LARP6: variants seen among roughly 807,000 people sequenced by gnomAD.
The protein encoded by LARP6 is La ribonucleoprotein 6, translational regulator, also known as la-related protein 6.
A neutral mutation model predicts 32.8 loss-of-function variants in LARP6; 18 were observed. That is an observed-to-expected ratio of 0.55 (90% CI 0.38 to 0.81). The LOEUF (loss-of-function observed/expected upper bound fraction) is 0.81. Among genes scored for constraint, LARP6 ranks in the 40% least tolerant of loss-of-function variants. LARP6 has a pLI of 0.00. For missense variants in LARP6, 598 were observed against 663.1 expected, an observed-to-expected ratio of 0.90 and a Z score of 1.08; for synonymous variants, 289 against 267.2, an observed-to-expected ratio of 1.08 and a Z score of -0.80.
intron 1 of LARP6, chr15:70,851,384 G>T (rs902438138): frequency 2.0e-6 from 2 of 985,706 alleles, no homozygotes; most frequent in Non-Finnish European, 2.6e-6. Context: ...AAAAGGAAAG[G>T]CATCTTTTTA....
chr15:70,833,754 C>G (rs1033239175), intron 2 of LARP6, among the ~76,000 whole-genome samples: 6 of 152,182 alleles, frequency 3.9e-5, no homozygotes, highest in Admixed American at 6.5e-5. Flanking sequence ...AGCAGTATTT[C>G]TGCATTTCTG....
intron 1 of LARP6, among the ~76,000 whole-genome samples, chr15:70,838,718 A>T (rs1338929315): frequency 6.6e-6 from 1 of 152,212 alleles, no homozygotes; most frequent in African/African-American, 2.4e-5. Context: ...GAGAATACTG[A>T]TTATCCGCAT....
chr15:70,838,510 G>A (rs1173513163), intron 1 of LARP6, among the ~76,000 whole-genome samples: 1 of 152,050 alleles, frequency 6.6e-6, no homozygotes, highest in East Asian at 1.9e-4. Context: ...ATGGACTCTG[G>A]AAACAATCCC....
At chr15:70,849,141 G>A (rs576210639) in intron 1 of LARP6, 23 of 152,190 alleles carry the variant, frequency 1.5e-4, no homozygotes, top group Non-Finnish European at 2.6e-4. Context: ...GGTGGATCAC[G>A]AGGTCAGGAG....
Position 70,832,706 on chromosome 15 carries a change from C to A in LARP6, c.822G>T (p.Glu274Asp), listed in dbSNP as rs1417183788. Residue 274 changes from glutamate to aspartate, a missense_variant, in exon 3 of 3, where the codon GAG (glutamate) becomes GAT (aspartate). This residue lies in a region of LARP6 where 368 missense variants were observed against 397.9 expected (regional missense o/e 0.92). Coordinates refer to ENST00000299213, the MANE Select transcript of LARP6 (RefSeq NM_018357.4). ...TGCCCTGAGATTCTGTGATCATGAACTCATGGGCTTTGATGGCTGCTTCCA... is the reference window on the plus strand; with the variant it reads ...TGCCCTGAGATTCTGTGATCATGAAATCATGGGCTTTGATGGCTGCTTCCA... Reference protein sequence around the residue: ...EEVEAAIKAHEFMITESQGKE... With the variant: ...EEVEAAIKAHDFMITESQGKE... 21 of 1,604,310 alleles carry A rather than the reference C, an allele frequency of 1.3e-5. No individual in the cohort carries two copies. Among genetic ancestry groups the A allele is most frequent in the Non-Finnish European group, 1.5e-5 (18 of 1,176,246 alleles).
chr15:70,854,000 T>C lies in LARP6; in HGVS notation c.89A>G (p.Glu30Gly). The C allele has an allele frequency of 2.1e-6, 3 of 1,462,942 alleles. No homozygotes were observed. Among genetic ancestry groups the C allele is most frequent in the Admixed American group, 2.4e-5 (1 of 41,536 alleles). The allele number at this position is 1,462,942 out of a possible 1,614,324, so 90.6% of individuals were successfully genotyped here. ...VAIQEAEDVD[E>G]LEDEEEGAET... ...CGCCCCCTCCTCCTCGTCCTCCAACTCGTCCACGTCCTCGGCCTCCTGGAT... is the reference window on the plus strand; with the variant it reads ...CGCCCCCTCCTCCTCGTCCTCCAACCCGTCCACGTCCTCGGCCTCCTGGAT... The change falls in exon 1 of 3, where the codon GAG becomes GGG. Residue 30 changes from glutamate to glycine, a missense_variant. Around this residue, in one of 3 missense-constraint regions of LARP6, gnomAD observed 161 missense variants for 148.6 expected, o/e 1.08. Coordinates refer to ENST00000299213, the MANE Select transcript of LARP6 (RefSeq NM_018357.4).
At chr15:70,837,482 C>T (rs1316866663) in intron 1 of LARP6, among the ~76,000 whole-genome samples, 1 of 152,190 alleles carries the variant, frequency 6.6e-6, no homozygotes, top group Non-Finnish European at 1.5e-5. Flanking sequence ...CTCTCTTATT[C>T]TTCCTTCTCT....
At chr15:70,842,492 C>T (rs967550565) in intron 1 of LARP6, among the ~76,000 whole-genome samples, 4 of 152,174 alleles carry the variant, frequency 2.6e-5, no homozygotes, top group Admixed American at 1.3e-4. Context: ...ACCTTCCTCT[C>T]CTTCCTGAGC....
In LARP6 at chr15:70,832,835, C is replaced by T. The variant is rs369266250; in HGVS notation, c.693G>A (p.Arg231=). The change falls in exon 3 of 3, where the codon CGG becomes CGA. Residue 231 remains arginine, a synonymous_variant. Coordinates refer to ENST00000299213, the MANE Select transcript of LARP6 (RefSeq NM_018357.4). ...GCAGCTCTCTCCCAGGTTTGAGGAT[C>T]CGCACTGATGAGATGACTCCAAAAG... ...FGTFGVISSV[R]ILKPGRELPP... is the part of the protein sequence containing the mutation. 13 of 1,613,094 alleles carry T rather than the reference C, an allele frequency of 8.1e-6. No individual in the cohort carries two copies. The highest frequency in any genetic ancestry group is 1.3e-5 in the African/African-American group (1 of 74,952).
intron 2 of LARP6, 89 bp downstream of exon 2, chr15:70,836,206 G>C: frequency 9.3e-7 from 1 of 1,070,556 alleles, no homozygotes; most frequent in Non-Finnish European, 1.4e-6. Flanking sequence ...TTCGTCATCA[G>C]GTTTCAAGGG....
chr15:70,851,630 A>C, intron 1 of LARP6: 1 of 1,612,416 alleles, frequency 6.2e-7, no homozygotes, highest in Non-Finnish European at 8.5e-7. Flanking sequence ...TTCAGTCAAC[A>C]AACATGTCCT....
intron 2 of LARP6, among the ~76,000 whole-genome samples, chr15:70,834,381 T>C (rs1259305280): frequency 6.6e-6 from 1 of 151,404 alleles, no homozygotes; most frequent in African/African-American, 2.4e-5. Context: ...GTGGACAGAG[T>C]CCATGAGGAA....
chr15:70,852,266 A>G (rs1386491939), intron 1 of LARP6: 3 of 455,842 alleles, frequency 6.6e-6, no homozygotes, highest in Admixed American at 4.7e-5. Context: ...ACTCTATGCC[A>G]GTGGGCAGCA....
rs1430629452 is a variant in LARP6 at position 70,832,092 on chromosome 15, C to T, written c.1436G>A (p.Arg479Lys). The change falls in exon 3 of 3, where the codon AGA becomes AAA. Residue 479 changes from arginine to lysine, a missense_variant. By Grantham distance (26) the Arg-to-Lys change is conservative (BLOSUM62 2). Coordinates refer to ENST00000299213, the MANE Select transcript of LARP6 (RefSeq NM_018357.4). ...LRLPRGPDNT[R>K]GFHGHERSRA... ...GCTCCTCTCATGGCCATGAAATCCT[C>T]TGGTGTTGTCAGGACCCCTGGGCAA... The T allele has an allele frequency of 3.9e-6, 6 of 1,551,366 alleles. No individual in the cohort carries two copies. In the East Asian group the frequency reaches 1.4e-4, roughly 35 times the overall value.
chr15:70,839,826 C>G (rs1222253871), intron 1 of LARP6, among the ~76,000 whole-genome samples: 1 of 152,190 alleles, frequency 6.6e-6, no homozygotes, highest in Non-Finnish European at 1.5e-5. Context: ...TCTCTTGGCC[C>G]TGTCCCTTCC....
intron 1 of LARP6, among the ~76,000 whole-genome samples, chr15:70,843,790 G>A (rs2032299618): frequency 6.6e-6 from 1 of 150,398 alleles, no homozygotes; most frequent in Admixed American, 6.6e-5. Flanking sequence ...TGAGTAGCTG[G>A]GATTACAGGC....
intron 1 of LARP6, chr15:70,851,384 G>C (rs902438138): frequency 1.0e-6 from 1 of 985,826 alleles, no homozygotes; most frequent in African/African-American, 1.6e-5. Context: ...AAAAGGAAAG[G>C]CATCTTTTTA....
intron 1 of LARP6, among the ~76,000 whole-genome samples, chr15:70,848,717 G>T (rs1253948355): frequency 6.6e-6 from 1 of 151,878 alleles, no homozygotes; most frequent in Non-Finnish European, 1.5e-5. Flanking sequence ...GGGTGACAGA[G>T]CAGGACTCTG....
At chr15:70,834,306 G>T (rs1217483201) in intron 2 of LARP6, among the ~76,000 whole-genome samples, 1 of 152,146 alleles carries the variant, frequency 6.6e-6, no homozygotes, top group Non-Finnish European at 1.5e-5. Flanking sequence ...TCAGACTTAG[G>T]CTACTAGAAG....
Sources: allele counts gnomAD v4.1 joint callset (sites outside exome capture counted in the v4.1 genomes callset), GRCh38; gene constraint gnomAD v4.1.1; regional missense constraint gnomAD v4.1.1; transcripts MANE v1.5; gene names NCBI Gene and HGNC (gene_info 2026-07-23, HGNC 2026-07-21).